Variants in ZFYVE26 observed in about 807,000 individuals in gnomAD.
ZFYVE26 encodes zinc finger FYVE-type containing 26, also known as zinc finger FYVE domain-containing protein 26.
A neutral mutation model predicts 276.5 loss-of-function variants in ZFYVE26; 181 were observed. The observed-to-expected ratio is 0.65, with a 90% confidence interval of 0.58 to 0.74. The LOEUF is 0.74. Ranked by LOEUF, ZFYVE26 falls within the 30% of genes least tolerant of loss-of-function variation. The pLI is 0.00. For missense variants in ZFYVE26, 2,821 were observed against 3,097.9 expected (o/e 0.91, Z 2.12); for synonymous variants, 1,129 against 1,203.1 (o/e 0.94, Z 1.27).
chr14:67,751,166 A>C, intron 40 of ZFYVE26, 70 bp from the exon 41 acceptor site: 1 of 1,566,236 alleles, frequency 6.4e-7, no homozygotes, highest in South Asian at 1.1e-5. Context: ...GGCCCAACCC[A>C]GCCTCAGCCC....
At position 67,755,977 on chromosome 14, in the gene ZFYVE26, T is replaced by C. The variant is rs202150854; in HGVS notation, c.6757A>G (p.Ile2253Val). ...QHLQKKNYYH[I>V]LYELQQFMKD... ...ATAAACTGCTGCAGCTCATACAGAA[T>C]GTGGTAGTAGTTCTTCTTCTGTAAA... The change falls in exon 36 of 42, where the codon ATT becomes GTT. Residue 2253 changes from isoleucine (I) to valine (V), a missense_variant. Ile to Val is a conservative substitution (Grantham distance 29). Transcript: ENST00000347230. 64 of 1,614,102 alleles carry C rather than the reference T, an allele frequency of 4.0e-5. 1 individual carries two copies. The highest frequency in any genetic ancestry group is 5.4e-5 in the Non-Finnish European group (64 of 1,180,046).
At position 67,780,415 on chromosome 14, in the gene ZFYVE26, T is replaced by C. The variant is rs1594910264; in HGVS notation, c.4570-70A>G. 1.3e-5 allele frequency: 17 copies of C among 1,346,190 alleles called. No individual in the cohort carries two copies. The South Asian group carries it at 2.0e-4, about 16-fold the overall frequency. 83.4% of individuals were successfully genotyped at this position (1,346,190 alleles called of 1,614,324 possible). A position where few individuals can be genotyped will look rare whatever the true frequency, so the allele number is the denominator to read the frequency against. On this transcript the variant is annotated intron_variant, in intron 22 of 41. Transcript: ENST00000347230. ...CCCTCCATGAACAAGTCACTGGGCA[T>C]GTCCACAGATGGGCCATCCCTAGAT... is the stretch of plus-strand genomic sequence containing the variant.
chr14:67,781,675 T>C (rs1394554771), intron 21 of ZFYVE26, 146 bp from the exon 22 acceptor site: 2 of 732,690 alleles, frequency 2.7e-6, no homozygotes, highest in African/African-American at 1.8e-5. Context: ...TCTTAACTAG[T>C]TTTTACACTT....
intron 14 of ZFYVE26, among the ~76,000 whole-genome samples, chr14:67,793,074 A>G (rs1002281593): frequency 5.9e-5 from 9 of 152,118 alleles, no homozygotes; most frequent in African/African-American, 2.2e-4. Flanking sequence ...AGCCTGGCCA[A>G]CATGGCAAAA....
chr14:67,769,456 G>C (rs1265754802), intron 29 of ZFYVE26, 138 bp downstream of exon 29: 10 of 1,305,214 alleles, frequency 7.7e-6, no homozygotes, highest in Admixed American at 1.9e-5. Flanking sequence ...CTTCAGTGTA[G>C]AGTTAATGGC....
chr14:67,778,482 A>T (rs529259840), intron 23 of ZFYVE26, among the ~76,000 whole-genome samples: 1 of 152,360 alleles, frequency 6.6e-6, no homozygotes, highest in South Asian at 2.1e-4. Context: ...GAAGATTCTA[A>T]GGAAGTGGGA....
intron 13 of ZFYVE26, 53 bp downstream of exon 13, chr14:67,794,118 T>TGATATGGGC: frequency 6.3e-7 from 1 of 1,579,922 alleles, no homozygotes; most frequent in East Asian, 2.2e-5. Context: ...GTATGGCAAC[T>TGATATGGGC]CTATATCAGG....
At chr14:67,750,994 G>C (rs767846684) in intron 41 of ZFYVE26, 58 bp downstream of exon 41, 1 of 1,604,634 alleles carries the variant, frequency 6.2e-7, no homozygotes, top group East Asian at 2.2e-5. Flanking sequence ...AAGGTGACTA[G>C]GCAAGCCTGA....
In ZFYVE26 at chr14:67,766,322, G is replaced by C; in HGVS notation, c.5916C>G (p.Ala1972=). The C allele has an allele frequency of 6.2e-7, 1 of 1,613,504 alleles. No homozygotes were observed. Among genetic ancestry groups the C allele is most frequent in the Non-Finnish European group, 8.5e-7 (1 of 1,180,026 alleles). Residue 1972 remains alanine (A), a synonymous_variant, in exon 32 of 42, where the codon GCC becomes GCG. Coordinates refer to ENST00000347230, the MANE Select transcript of ZFYVE26 (RefSeq NM_015346.4). ...SKGLTNPEVD[A]GLLTDIMKQL... is the part of the protein sequence containing the mutation. Reference sequence around the variant, plus strand: ...GCTTCATGATGTCCGTGAGCAGCCCGGCATCCACCTCTGGGTTGGTGAGGC... The same window carrying C: ...GCTTCATGATGTCCGTGAGCAGCCCCGCATCCACCTCTGGGTTGGTGAGGC...
intron 10 of ZFYVE26, 93 bp downstream of exon 10, chr14:67,801,986 C>T: frequency 1.4e-6 from 2 of 1,429,464 alleles, no homozygotes; most frequent in Non-Finnish European, 2.0e-6. Flanking sequence ...CATCACCCCA[C>T]TCCCAATCTT....
At chr14:67,808,615 G>T (rs1032519892) in intron 4 of ZFYVE26, among the ~76,000 whole-genome samples, 4 of 151,962 alleles carry the variant, frequency 2.6e-5, no homozygotes, top group Non-Finnish European at 5.9e-5. Context: ...CATGCCTATA[G>T]ATGGTACTCG....
At chr14:67,800,870 C>T (rs1317687017) in intron 10 of ZFYVE26, among the ~76,000 whole-genome samples, 1 of 151,538 alleles carries the variant, frequency 6.6e-6, no homozygotes, top group Non-Finnish European at 1.5e-5. Context: ...TTGTTTGAAG[C>T]ATCTGTCTTC....
At position 67,802,247 on chromosome 14, in the gene ZFYVE26, G is replaced by A; in HGVS notation, c.1471C>T (p.Gln491Ter). The A allele has an allele frequency of 1.2e-6, 2 of 1,614,214 alleles. No individual in the cohort carries two copies. Among genetic ancestry groups the A allele is most frequent in the South Asian group, 2.2e-5 (2 of 91,080 alleles). The part of the protein sequence containing the change: ...VDAPVPEHLS[Q>*]CQNLTLYQGF... ...TGGTAGAGTGTCAGGTTCTGACACT[G>A]GCTCAGGTGCTCAGGGACTGGAGCA... is the stretch of plus-strand genomic sequence containing the variant. The change falls in exon 10 of 42, where the codon CAG becomes TAG. Residue 491 changes from glutamine to a stop codon, truncating the protein, a stop_gained. Transcript: ENST00000347230. LOFTEE classifies it high-confidence loss of function.
chr14:67,728,920 T>C (rs150068876), intron 14 of ZFYVE26, among the ~76,000 whole-genome samples: 21 of 152,306 alleles, frequency 1.4e-4, no homozygotes, highest in Middle Eastern at 3.4e-3. Context: ...TTAGTAGTAC[T>C]AAAGCCACAG....
At position 67,789,535 on chromosome 14, in the gene ZFYVE26, AT is replaced by A; in HGVS notation, c.2818del (p.Ile940SerfsTer10). ...DKLLNTSGDPIPMLQEDFWIS... is the reference protein window; with the variant it reads ...DKLLNTSGDPXPMLQEDFWIS... Reference sequence around the variant, plus strand: ...CCAAAAGTCCTCCTGGAGCATGGGGATGGGGTCTCCAGAGGTGTTGAGCAGC... The same window carrying A: ...CCAAAAGTCCTCCTGGAGCATGGGGAGGGGTCTCCAGAGGTGTTGAGCAGC... On this transcript the variant is annotated frameshift_variant, in exon 16 of 42. Transcript: ENST00000347230. LOFTEE classifies it high-confidence loss of function. 6.2e-7 allele frequency: 1 copy of A among 1,614,134 alleles called. No individual in the cohort carries two copies. Among genetic ancestry groups the A allele is most frequent in the Non-Finnish European group, 8.5e-7 (1 of 1,180,032 alleles).
intron 36 of ZFYVE26, among the ~76,000 whole-genome samples, chr14:67,755,695 C>CT (rs1010351368): frequency 2.0e-5 from 3 of 151,972 alleles, no homozygotes; most frequent in Non-Finnish European, 2.9e-5. Context: ...CCATTTATTT[C>CT]TTTTTTTTAC....
At chr14:67,786,484 T>C (rs545760705) in intron 16 of ZFYVE26, among the ~76,000 whole-genome samples, 31 of 152,322 alleles carry the variant, frequency 2.0e-4, no homozygotes, top group Admixed American at 1.2e-3. Context: ...GGCACTCCTA[T>C]GGAATTGTTG....
intron 19 of ZFYVE26, among the ~76,000 whole-genome samples, chr14:67,784,696 T>C (rs1050371982): frequency 2.6e-5 from 4 of 152,160 alleles, no homozygotes; most frequent in Non-Finnish European, 5.9e-5. Context: ...CAACTCCTGC[T>C]CTCTTCAACC....
chr14:67,807,267 G>T, intron 5 of ZFYVE26, 131 bp downstream of exon 5: 6 of 1,180,466 alleles, frequency 5.1e-6, no homozygotes, highest in South Asian at 4.0e-5. Context: ...AAAGAGCATC[G>T]CACCCATTTT....
Sources: gnomAD v4.1 joint callset for allele counts (sites outside exome capture counted in the v4.1 genomes callset) on GRCh38, gnomAD v4.1.1 for gene constraint, MANE v1.5 for transcripts, NCBI Gene and HGNC (gene_info 2026-07-23, HGNC 2026-07-21) for gene names.